The following RUFY3 variants were observed in gnomAD, a reference collection of about 807,000 sequenced individuals.
The protein encoded by RUFY3 is RUN and FYVE domain containing 3.
In RUFY3, 34 loss-of-function variants were observed where a neutral mutation model predicts 84.0. The ratio of observed to expected loss-of-function variants is 0.40; its 90% CI spans 0.31 to 0.54. The LOEUF is 0.54. Among genes scored for constraint, RUFY3 ranks in the 20% least tolerant of loss-of-function variants. The pLI is 0.39. For missense variants in RUFY3, 507 were observed against 736.8 expected (o/e 0.69, Z 3.61); for synonymous variants, 242 against 252.9 (o/e 0.96, Z 0.41).
intron 4 of RUFY3, among the ~76,000 whole-genome samples, chr4:70,767,478 G>A (rs892369601): frequency 1.3e-5 from 2 of 151,808 alleles, no homozygotes; most frequent in Non-Finnish European, 2.9e-5. Flanking sequence ...CATCTTGGTT[G>A]CTCCCAAATT....
chr4:70,738,356 CTTTTTTTTTT>C (rs60916183), intron 1 of RUFY3, among the ~76,000 whole-genome samples: 2 of 60,542 alleles, frequency 3.3e-5, no homozygotes, highest in African/African-American at 8.3e-5. Context: ...GGTGTTTCAT[CTTTTTTTTTT>C]TTTTTTTTTT....
Position 70,794,821 on chromosome 4 carries a change from A to G in RUFY3, c.1484A>G (p.Gln495Arg), listed in dbSNP as rs1398335400. 9 of 1,613,062 alleles carry G rather than the reference A, an allele frequency of 5.6e-6. No individual in the cohort carries two copies. Among genetic ancestry groups the G allele is most frequent in the Middle Eastern group, 3.3e-4 (2 of 6,054 alleles). ...QRNQLELELK[Q>R]EKERRLQNDR... ...AACCAGCTTGAGTTAGAACTAAAAC[A>G]GGAAAAAGAAAGAAGATTACAAAAC... Residue 495 changes from glutamine to arginine, a missense_variant, in exon 14 of 18, where the codon CAG becomes CGG. Coordinates refer to ENST00000381006, the MANE Select transcript of RUFY3 (RefSeq NM_001037442.4).
intron 16 of RUFY3, among the ~76,000 whole-genome samples, chr4:70,803,424 TATAAA>T (rs1303828047): frequency 6.6e-6 from 1 of 152,090 alleles, no homozygotes; most frequent in Non-Finnish European, 1.5e-5. Context: ...CCTCTTAGGT[TATAAA>T]ATAAAATAAG....
intron 6 of RUFY3, among the ~76,000 whole-genome samples, chr4:70,773,812 A>C (rs955644360): frequency 3.0e-4 from 46 of 152,340 alleles, no homozygotes; most frequent in Admixed American, 2.7e-3. Context: ...GGGCAAAGAA[A>C]ATACAAATTT....
At chr4:70,705,797 G>C (rs1313944656) in intron 1 of RUFY3, among the ~76,000 whole-genome samples, 1 of 152,242 alleles carries the variant, frequency 6.6e-6, no homozygotes, top group Admixed American at 6.5e-5. Flanking sequence ...CTGCGCCGCC[G>C]CCGCCGCCAG....
intron 5 of RUFY3, among the ~76,000 whole-genome samples, chr4:70,772,285 C>T (rs546078218): frequency 1.3e-4 from 20 of 152,188 alleles, no homozygotes; most frequent in Non-Finnish European, 2.5e-4. Flanking sequence ...ATGCTCAAGC[C>T]CTTACAGTCA....
upstream of RUFY3, among the ~76,000 whole-genome samples, chr4:70,721,663 T>TC (rs1742317913): frequency 6.6e-6 from 1 of 152,218 alleles, no homozygotes; most frequent in South Asian, 2.1e-4. Context: ...AGAGGTGAAT[T>TC]ATATGCTTGT....
In RUFY3 at chr4:70,759,364, GTGTGTGTA is replaced by G. The variant is rs1397626339; in HGVS notation, c.179-3147_179-3140del. On this transcript the variant is annotated intron_variant, in intron 1 of 17. Transcript: ENST00000381006. ...TCTTTTTATGGCTGAATTTGTGTGTGTGTGTGTATGTGTGTGTGTGTGTGTGTGTGTGT... is the reference window on the plus strand; with the variant it reads ...TCTTTTTATGGCTGAATTTGTGTGTGTGTGTGTGTGTGTGTGTGTGTGTGT... Among the ~76,000 whole-genome samples the G allele has an allele frequency of 4.2e-3, 321 of 76,596 alleles. 1 individual carries two copies. The highest frequency in any genetic ancestry group is 0.016 in the South Asian group (28 of 1,760). 50.2% of individuals were successfully genotyped at this position (76,596 alleles called of 152,430 possible). A position where few individuals can be genotyped will look rare whatever the true frequency, so the allele number is the denominator to read the frequency against.
At chr4:70,708,469 T>A (rs1740600188) in intron 1 of RUFY3, among the ~76,000 whole-genome samples, 1 of 152,030 alleles carries the variant, frequency 6.6e-6, no homozygotes, top group South Asian at 2.1e-4. Flanking sequence ...CCCCAAACAG[T>A]TTTTAAAAGA....
chr4:70,776,361 T>G (rs1458077452), intron 7 of RUFY3, among the ~76,000 whole-genome samples: 4 of 152,352 alleles, frequency 2.6e-5, no homozygotes, highest in Non-Finnish European at 5.9e-5. Context: ...AACTTCTTCT[T>G]CCTAGTTTTC....
At chr4:70,717,873 A>ATTTTTT (rs1165078654), upstream of RUFY3, among the ~76,000 whole-genome samples, 2 of 82,370 alleles carry the variant, frequency 2.4e-5, no homozygotes, top group Non-Finnish European at 4.7e-5. Flanking sequence ...TTGACATGGT[A>ATTTTTT]TTTTTTTTTT....
chr4:70,712,217 A>C lies in RUFY3; in HGVS notation c.358+6923A>C, dbSNP rs115377323. ...CAATAAAAGATGTGACTGTAAGATA[A>C]TACTACTACTAGTGGCCACCATTTG... On this transcript the variant is annotated intron_variant, in intron 1 of 11. Transcript: ENST00000417478. Among the ~76,000 whole-genome samples the C allele has an allele frequency of 1.0e-2, 1,519 of 152,316 alleles. 26 individuals carry two copies. The highest frequency in any genetic ancestry group is 0.035 in the African/African-American group (1,454 of 41,558).
intron 1 of RUFY3, among the ~76,000 whole-genome samples, chr4:70,728,125 A>T (rs570611826): frequency 9.8e-4 from 149 of 152,328 alleles, no homozygotes; most frequent in African/African-American, 3.5e-3. Flanking sequence ...AATACCATAA[A>T]ATGAAAATTC....
chr4:70,734,225 T>G (rs531989585), intron 1 of RUFY3: 5 of 198,420 alleles, frequency 2.5e-5, no homozygotes, highest in African/African-American at 1.2e-4. Flanking sequence ...TTAGAAGCAT[T>G]TACAGCATTT....
intron 10 of RUFY3, among the ~76,000 whole-genome samples, chr4:70,787,764 G>A (rs192743153): frequency 6.6e-6 from 1 of 152,196 alleles, no homozygotes; most frequent in African/African-American, 2.4e-5. Flanking sequence ...GAGAATCTCA[G>A]TGAAGTGGCA....
intron 1 of RUFY3, among the ~76,000 whole-genome samples, chr4:70,755,968 A>G (rs962818176): frequency 6.6e-6 from 1 of 151,864 alleles, no homozygotes; most frequent in Non-Finnish European, 1.5e-5. Flanking sequence ...AAAAAAAGGA[A>G]AAAAAGAACA....
chr4:70,806,391 C>T, intron 17 of RUFY3, 125 bp from the exon 18 acceptor site: 1 of 1,090,476 alleles, frequency 9.2e-7, no homozygotes. Context: ...CTACCTGGCA[C>T]ATAGTAAACA....
At chr4:70,705,257 GAGCGGCGGCGGCGGC>G (rs1553894077) in exon 1 of RUFY3, 4 of 1,444,996 alleles carry the variant, frequency 2.8e-6, no homozygotes, top group South Asian at 1.4e-5. Context: ...TGAGCTACCC[GAGCGGCGGCGGCGGC>G]AGCAGCGGCA....
chr4:70,735,947 C>T (rs1474012445), intron 1 of RUFY3, among the ~76,000 whole-genome samples: 1 of 151,494 alleles, frequency 6.6e-6, no homozygotes. Flanking sequence ...GAGATCACAT[C>T]ACTGCACTCC....
Sources: allele counts gnomAD v4.1 joint callset (sites outside exome capture counted in the v4.1 genomes callset), GRCh38; gene constraint gnomAD v4.1.1; transcripts MANE v1.5; gene names NCBI Gene and HGNC (gene_info 2026-07-23, HGNC 2026-07-21).